PPARGC1A: variants seen among roughly 807,000 people sequenced by gnomAD.
PPARGC1A encodes the protein PPARG coactivator 1 alpha, also known as peroxisome proliferator-activated receptor gamma coactivator 1-alpha.
Under a neutral mutation model 88.7 loss-of-function variants are expected in PPARGC1A, and 25 were observed. That is an observed-to-expected ratio of 0.28 (90% CI 0.21 to 0.39). The LOEUF is 0.39. Among genes scored for constraint, PPARGC1A ranks in the 10% least tolerant of loss-of-function variants. PPARGC1A has a pLI of 1.00. For missense variants in PPARGC1A, 880 were observed against 968.7 expected (o/e 0.91, Z 1.22); for synonymous variants, 363 against 355.6 (o/e 1.02, Z -0.24).
chr4:24,365,893 C>T, the PPARGC1A span, among the ~76,000 whole-genome samples: 1 of 152,122 alleles, frequency 6.6e-6, no homozygotes, highest in Non-Finnish European at 1.5e-5. Context: ...ACAGATAATA[C>T]TTGACAGCTT....
chr4:24,185,850 T>C, the PPARGC1A span, among the ~76,000 whole-genome samples: 1 of 137,614 alleles, frequency 7.3e-6, no homozygotes, highest in African/African-American at 2.7e-5. Flanking sequence ...ATAGCACATG[T>C]ATACATATGT....
chr4:24,044,464 C>T, the PPARGC1A span, among the ~76,000 whole-genome samples: 4 of 152,116 alleles, frequency 2.6e-5, no homozygotes, highest in African/African-American at 9.7e-5. Context: ...TCACAGAAGC[C>T]TCTGTAGGGT....
intron 7 of PPARGC1A, among the ~76,000 whole-genome samples, chr4:23,822,620 C>T (rs899593157): frequency 9.9e-5 from 15 of 152,022 alleles, no homozygotes; most frequent in African/African-American, 1.4e-4. Context: ...CACTACTAAG[C>T]GACCAATTTT....
chr4:23,938,450 G>A, the PPARGC1A span, among the ~76,000 whole-genome samples: 13 of 152,118 alleles, frequency 8.5e-5, no homozygotes, highest in African/African-American at 2.7e-4. Context: ...AGTCACCATA[G>A]GATACAGTAA....
At chr4:23,913,030 C>A in the PPARGC1A span, among the ~76,000 whole-genome samples, 3 of 148,522 alleles carry the variant, frequency 2.0e-5, no homozygotes, top group African/African-American at 7.4e-5. Flanking sequence ...TGGTCTCAAT[C>A]TCCTGACCTC....
the PPARGC1A span, among the ~76,000 whole-genome samples, chr4:24,459,022 C>G: frequency 6.6e-6 from 1 of 151,408 alleles, no homozygotes; most frequent in African/African-American, 2.4e-5. Flanking sequence ...TTCAACTTTT[C>G]TAAGAAAAAA....
chr4:24,340,880 A>G, the PPARGC1A span, among the ~76,000 whole-genome samples: 1 of 152,174 alleles, frequency 6.6e-6, no homozygotes, highest in Admixed American at 6.5e-5. Context: ...TCCCACTGAC[A>G]AGCCAATGGG....
the PPARGC1A span, among the ~76,000 whole-genome samples, chr4:24,237,675 C>A: frequency 6.6e-6 from 1 of 152,194 alleles, no homozygotes; most frequent in South Asian, 2.1e-4. Context: ...CTTCATGTTA[C>A]TATTTTCTCT....
intron 7 of PPARGC1A, among the ~76,000 whole-genome samples, chr4:23,822,119 G>T (rs992838492): frequency 3.3e-5 from 5 of 152,116 alleles, no homozygotes; most frequent in African/African-American, 1.2e-4. Flanking sequence ...GTGTACAAGA[G>T]ATCAAGGATG....
chr4:23,916,198 T>G, the PPARGC1A span, among the ~76,000 whole-genome samples: 1 of 152,234 alleles, frequency 6.6e-6, no homozygotes, highest in African/African-American at 2.4e-5. Flanking sequence ...GGCAGTTAAT[T>G]TGAACTTACC....
At chr4:23,833,462 C>T in intron 2 of PPARGC1A, among the ~76,000 whole-genome samples, 1 of 152,150 alleles carries the variant, frequency 6.6e-6, no homozygotes, top group East Asian at 1.9e-4. Context: ...GCTAAATTAT[C>T]CCACACAGAT....
the PPARGC1A span, among the ~76,000 whole-genome samples, chr4:24,304,884 AAAG>A: frequency 1.3e-5 from 2 of 152,118 alleles, no homozygotes; most frequent in Non-Finnish European, 2.9e-5. Context: ...AAGAAAGAAT[AAAG>A]AAGGACAGAA....
chr4:23,996,385 C>G, the PPARGC1A span, among the ~76,000 whole-genome samples: 1 of 152,124 alleles, frequency 6.6e-6, no homozygotes, highest in African/African-American at 2.4e-5. Flanking sequence ...CCTATCCATT[C>G]GTCTTACCTT....
chr4:24,006,312 G>A, the PPARGC1A span, among the ~76,000 whole-genome samples: 1 of 152,188 alleles, frequency 6.6e-6, no homozygotes, highest in Non-Finnish European at 1.5e-5. Context: ...GCCTCCTGAA[G>A]TGCTAGAATT....
At chr4:24,260,274 T>C in the PPARGC1A span, among the ~76,000 whole-genome samples, 4 of 152,208 alleles carry the variant, frequency 2.6e-5, no homozygotes, top group Non-Finnish European at 5.9e-5. Context: ...CACAACACAG[T>C]GATCACTGAA....
At chr4:24,069,992 T>C in the PPARGC1A span, among the ~76,000 whole-genome samples, 225 of 152,248 alleles carry the variant, frequency 1.5e-3, 2 homozygotes, top group African/African-American at 5.2e-3. Flanking sequence ...TTCTACCACT[T>C]TCTACCATAG....
the PPARGC1A span, among the ~76,000 whole-genome samples, chr4:23,924,424 G>A: frequency 1.2e-4 from 19 of 152,238 alleles, no homozygotes; most frequent in African/African-American, 2.9e-4. Context: ...TCAAGAGATC[G>A]AGACCATCCT....
chr4:24,320,331 C>A, the PPARGC1A span, among the ~76,000 whole-genome samples: 22 of 152,140 alleles, frequency 1.4e-4, no homozygotes, highest in Non-Finnish European at 2.8e-4. Context: ...GATATAGTTT[C>A]TTCACAGGAA....
chr4:23,894,063 A>G (rs1718223963), upstream of PPARGC1A, among the ~76,000 whole-genome samples: 1 of 152,142 alleles, frequency 6.6e-6, no homozygotes. Context: ...CTTTCTAGGA[A>G]GAACTAAAGT....
Sources: allele counts gnomAD v4.1 joint callset (sites outside exome capture counted in the v4.1 genomes callset), GRCh38; gene constraint gnomAD v4.1.1; transcripts MANE v1.5; gene names NCBI Gene and HGNC (gene_info 2026-07-23, HGNC 2026-07-21).